COL5A1: variants seen among roughly 807,000 people sequenced by gnomAD.
The protein encoded by COL5A1 is collagen type V alpha 1 chain, also known as collagen alpha-1(V) chain.
Under a neutral mutation model 263.7 loss-of-function variants are expected in COL5A1, and 16 were observed. That is an observed-to-expected ratio of 0.06 (90% CI 0.04 to 0.09). The LOEUF is 0.09. Among genes scored for constraint, COL5A1 ranks in the 10% least tolerant of loss-of-function variants. The pLI, the probability that COL5A1 is intolerant of heterozygous loss-of-function variation, is 1.00. For synonymous variants in COL5A1, 1,012 were observed against 1,004.5 expected (o/e 1.01, Z -0.14); for missense variants, 2,036 against 2,540.5 (o/e 0.80, Z 4.27).
At chr9:134,834,087 C>T (rs1188106254) in intron 64 of COL5A1, among the ~76,000 whole-genome samples, 4 of 152,102 alleles carry the variant, frequency 2.6e-5, no homozygotes, top group Admixed American at 2.6e-4. Context: ...AAGGAGGACA[C>T]CTGCTGTCCA....
chr9:134,811,236 A>T (rs1838509513), intron 44 of COL5A1, 103 bp from the exon 45 acceptor site: 1 of 993,990 alleles, frequency 1.0e-6, no homozygotes. Context: ...TGAACTGACG[A>T]CGTTGGATGC....
chr9:134,698,669 G>A (rs1833567617), intron 2 of COL5A1, among the ~76,000 whole-genome samples: 1 of 152,246 alleles, frequency 6.6e-6, no homozygotes, highest in African/African-American at 2.4e-5. Context: ...TGGTGACGCT[G>A]CTGCCCGCCT....
At position 134,842,339 on chromosome 9, in the gene COL5A1, T is replaced by C; in HGVS notation, c.*36T>C. 6.2e-7 allele frequency: 1 copy of C among 1,612,796 alleles called. No homozygotes were observed. Among genetic ancestry groups the C allele is most frequent in the Non-Finnish European group, 8.5e-7 (1 of 1,179,580 alleles). ...GCCCGGGCTCCCGAGAGCAACCTCG[T>C]GACCTCAGCATGCCATTCGTTCGTG... On this transcript the variant is annotated 3_prime_UTR_variant, in exon 66 of 66. Transcript: ENST00000371817. This position sits in a 1 kb window ranked among gnomAD's most constrained non-coding sequence, Gnocchi z 5.8.
chr9:134,771,207 C>T (rs894857316), intron 25 of COL5A1, among the ~76,000 whole-genome samples: 8 of 152,388 alleles, frequency 5.2e-5, no homozygotes, highest in Middle Eastern at 3.4e-3. Flanking sequence ...GCCGGGCTCT[C>T]GGCCCCCCTG....
chr9:134,796,093 G>C (rs2132805633), intron 34 of COL5A1, among the ~76,000 whole-genome samples: 1 of 152,358 alleles, frequency 6.6e-6, no homozygotes, highest in South Asian at 2.1e-4. Flanking sequence ...GGTGCTCGAG[G>C]CTGGGGCACA....
At chr9:134,801,574 G>A (rs1227119983) in intron 37 of COL5A1, among the ~76,000 whole-genome samples, 3 of 152,204 alleles carry the variant, frequency 2.0e-5, no homozygotes, top group Non-Finnish European at 4.4e-5. Context: ...GGATCACGAG[G>A]TCAGGAGTTC....
chr9:134,683,063 C>G (rs1244100491), intron 1 of COL5A1, among the ~76,000 whole-genome samples: 1 of 152,236 alleles, frequency 6.6e-6, no homozygotes, highest in East Asian at 1.9e-4. Flanking sequence ...GGCACCCTCC[C>G]CTCTGTTCAC....
intron 1 of COL5A1, among the ~76,000 whole-genome samples, chr9:134,654,805 GT>G (rs1256923533): frequency 1.6e-5 from 2 of 127,278 alleles, no homozygotes; most frequent in African/African-American, 6.0e-5. Context: ...CCTCGTGTGT[GT>G]TTAGGGCGGG....
intron 37 of COL5A1, among the ~76,000 whole-genome samples, chr9:134,800,499 C>G (rs1264368462): frequency 6.6e-6 from 1 of 152,202 alleles, no homozygotes; most frequent in Non-Finnish European, 1.5e-5. Flanking sequence ...AATCCCAACA[C>G]TTTGGGAGGC....
chr9:134,815,696 T>C, intron 51 of COL5A1, 67 bp downstream of exon 51: 1 of 1,534,246 alleles, frequency 6.5e-7, no homozygotes, highest in Non-Finnish European at 9.0e-7. Flanking sequence ...CCAGCCCCAT[T>C]TCCCCTCTTT....
chr9:134,793,683 C>T (rs1265199233), intron 32 of COL5A1, among the ~76,000 whole-genome samples: 3 of 152,070 alleles, frequency 2.0e-5, no homozygotes, highest in Non-Finnish European at 4.4e-5. Flanking sequence ...TCTGGCAGCC[C>T]GGGCTCATTC....
At chr9:134,761,258 C>A (rs1482100386) in intron 18 of COL5A1, among the ~76,000 whole-genome samples, 1 of 151,470 alleles carries the variant, frequency 6.6e-6, no homozygotes, top group East Asian at 1.9e-4. Context: ...TCCACCCACA[C>A]ACGTGCACTC....
chr9:134,799,454 A>G (rs144813018), intron 37 of COL5A1, among the ~76,000 whole-genome samples: 223 of 152,324 alleles, frequency 1.5e-3, no homozygotes, highest in African/African-American at 4.5e-3. Context: ...TAAAGGATGA[A>G]TTGCACAGAT....
At position 134,699,964 on chromosome 9, in the gene COL5A1, C is replaced by G; in HGVS notation, c.333C>G (p.Gly111=). The change falls in exon 3 of 66, where the codon GGC becomes GGG. Residue 111 remains glycine, a synonymous_variant. Coordinates refer to ENST00000371817, the MANE Select transcript of COL5A1 (RefSeq NM_000093.5). ...TAACAACTGTGAAAGCCAAGAAAGG[C>G]AGCCAGGCCTTCCTGGTCTCCATCT... ...SILTTVKAKK[G]SQAFLVSIYN... The G allele has an allele frequency of 6.2e-7, 1 of 1,613,968 alleles. No individual in the cohort carries two copies.
At chr9:134,667,539 C>T (rs6537940) in intron 1 of COL5A1, among the ~76,000 whole-genome samples, 35,547 of 152,066 alleles carry the variant, frequency 0.23, 5,220 homozygotes, top group African/African-American at 0.41. Context: ...CTCATAACTG[C>T]ACCATCTCCA....
Position 134,757,053 on chromosome 9 carries a change from G to C in COL5A1, c.1881+235G>C, listed in dbSNP as rs1241647032. On this transcript the variant is annotated intron_variant, in intron 17 of 65. Transcript: ENST00000371817. This position sits in a 1 kb window ranked among gnomAD's most constrained non-coding sequence, Gnocchi z 6.2. ...GCTCCCTTCCAGCAGTGGCGAGCAG[G>C]GATGGGGGTGGGATCCCGACTATGA... Among the ~76,000 whole-genome samples the C allele has an allele frequency of 6.6e-6, 1 of 152,058 alleles. No individual in the cohort carries two copies. The highest frequency in any genetic ancestry group is 2.4e-5 in the African/African-American group (1 of 41,394).
chr9:134,688,866 G>T (rs1205033818), intron 1 of COL5A1, among the ~76,000 whole-genome samples: 3 of 152,216 alleles, frequency 2.0e-5, no homozygotes, highest in African/African-American at 7.2e-5. Context: ...AGAGAACTGT[G>T]GATGGGGAGG....
chr9:134,698,278 T>C (rs1588447254), intron 2 of COL5A1, among the ~76,000 whole-genome samples: 1 of 152,186 alleles, frequency 6.6e-6, no homozygotes, highest in South Asian at 2.1e-4. Flanking sequence ...CAGTCTCCTG[T>C]GGGAACAGCT....
intron 58 of COL5A1, among the ~76,000 whole-genome samples, chr9:134,820,899 A>C (rs868261713): frequency 6.6e-6 from 1 of 152,108 alleles, no homozygotes; most frequent in East Asian, 1.9e-4. Context: ...TGTGACGGAC[A>C]CACACACGCA....
Sources: gnomAD v4.1 joint callset for allele counts (sites outside exome capture counted in the v4.1 genomes callset) on GRCh38, gnomAD v4.1.1 for gene constraint, Gnocchi (gnomAD v3.1) non-coding constraint, MANE v1.5 for transcripts, NCBI Gene and HGNC (gene_info 2026-07-23, HGNC 2026-07-21) for gene names.